Variants in ABCG2 observed in about 807,000 individuals in gnomAD.
ABCG2 encodes broad substrate specificity ATP-binding cassette transporter ABCG2.
ABCG2 carries 80 observed loss-of-function variants against 73.5 expected under a neutral mutation model. The ratio of observed to expected loss-of-function variants is 1.09; its 90% CI spans 0.91 to 1.31. The LOEUF (loss-of-function observed/expected upper bound fraction) is 1.31. Ranked by LOEUF, ABCG2 falls within the 50% of genes most tolerant of loss-of-function variation. The pLI is 0.00. For synonymous variants in ABCG2, 269 were observed against 282.4 expected (o/e 0.95, Z 0.48); for missense variants, 796 against 786.2 (o/e 1.01, Z -0.15).
intron 5 of ABCG2, among the ~76,000 whole-genome samples, chr4:88,130,585 T>C (rs751180301): frequency 6.6e-6 from 1 of 152,086 alleles, no homozygotes; most frequent in African/African-American, 2.4e-5. Flanking sequence ...ATAAAACTGG[T>C]CCCTGGTGGC....
intron 1 of ABCG2, among the ~76,000 whole-genome samples, chr4:88,206,983 C>A (rs555342180): frequency 2.0e-5 from 3 of 152,140 alleles, no homozygotes; most frequent in Non-Finnish European, 4.4e-5. Context: ...TCAGTAGAGA[C>A]GGGGTTTCAC....
intron 2 of ABCG2, among the ~76,000 whole-genome samples, chr4:88,135,044 A>G (rs1725148771): frequency 6.6e-6 from 1 of 152,156 alleles, no homozygotes; most frequent in Admixed American, 6.6e-5. Flanking sequence ...GGCTGCTTTC[A>G]TGCTACACCA....
chr4:88,118,176 T>A lies in ABCG2; in HGVS notation c.774A>T (p.Leu258Phe), dbSNP rs772243208. 6.2e-7 allele frequency: 1 copy of A among 1,614,102 alleles called. No individual in the cohort carries two copies. Among genetic ancestry groups the A allele is most frequent in the South Asian group, 1.1e-5 (1 of 91,074 alleles). Residue 258 changes from leucine (L) to phenylalanine (F), a missense_variant, in exon 7 of 16, where the codon TTA becomes TTT. By Grantham distance (22) the Leu-to-Phe change is conservative. Coordinates refer to ENST00000237612, the MANE Select transcript of ABCG2 (RefSeq NM_004827.3). Reference protein sequence around the residue: ...SIFKLFDSLTLLASGRLMFHG... With the variant: ...SIFKLFDSLTFLASGRLMFHG... Reference sequence around the variant, plus strand: ...GGAACATAAGTCTTCCTGAGGCCAATAAGGTGAGGCTATCAAACAACTTGA... The same window carrying A: ...GGAACATAAGTCTTCCTGAGGCCAAAAAGGTGAGGCTATCAAACAACTTGA...
At chr4:88,204,063 T>C (rs1354905112) in intron 1 of ABCG2, among the ~76,000 whole-genome samples, 1 of 152,216 alleles carries the variant, frequency 6.6e-6, no homozygotes, top group Non-Finnish European at 1.5e-5. Flanking sequence ...TTCTCTAGTT[T>C]TCTTTTCTTC....
intron 5 of ABCG2, among the ~76,000 whole-genome samples, chr4:88,126,192 TCCTGTACACACACA>T (rs1382395102): frequency 2.6e-5 from 4 of 152,122 alleles, no homozygotes; most frequent in Non-Finnish European, 5.9e-5. Flanking sequence ...AAATGGATTT[TCCTGTACACACACA>T]CCCTCCCAAG....
intron 10 of ABCG2, among the ~76,000 whole-genome samples, chr4:88,102,115 CCA>C (rs1478687422): frequency 6.6e-6 from 1 of 152,198 alleles, no homozygotes; most frequent in Non-Finnish European, 1.5e-5. Context: ...TCTACATGCA[CCA>C]CACTACCATC....
At chr4:88,200,543 T>A (rs917054327) in intron 1 of ABCG2, among the ~76,000 whole-genome samples, 1 of 151,998 alleles carries the variant, frequency 6.6e-6, no homozygotes, top group African/African-American at 2.4e-5. Context: ...GAAATCTACA[T>A]AAAGAAAGGA....
At chr4:88,137,959 A>T (rs1388363743) in intron 2 of ABCG2, among the ~76,000 whole-genome samples, 2 of 152,130 alleles carry the variant, frequency 1.3e-5, no homozygotes, top group Non-Finnish European at 2.9e-5. Flanking sequence ...GTTCAAGGCC[A>T]GCCTGGGCAA....
intron 1 of ABCG2, among the ~76,000 whole-genome samples, chr4:88,164,438 G>A (rs1727434455): frequency 6.6e-6 from 1 of 152,108 alleles, no homozygotes; most frequent in Non-Finnish European, 1.5e-5. Context: ...GAATCACAGG[G>A]GTAATTATTC....
rs577956817 is a variant in ABCG2, at chr4:88,152,865, G to A, written c.-20+5521C>T. On this transcript the variant is annotated intron_variant, in intron 1 of 15. Coordinates refer to ENST00000237612, the MANE Select transcript of ABCG2 (RefSeq NM_004827.3). ...GGCTGCTTCAAGTGGGATTAGGGGC[G>A]GCGTGGGAACCTAAAGTGGGAGAGA... is the stretch of plus-strand genomic sequence containing the variant. 2.0e-4 allele frequency among the ~76,000 whole-genome samples: 31 copies of A among 152,226 alleles called. No individual in the cohort carries two copies. In the East Asian group the frequency reaches 3.9e-3, roughly 19 times the overall value.
chr4:88,158,724 ACCCGGCGCG>A, upstream of ABCG2: 1 of 426,038 alleles, frequency 2.3e-6, no homozygotes, highest in Non-Finnish European at 4.7e-6. Flanking sequence ...CCCCAACCAC[ACCCGGCGCG>A]CCCGAGCGCT....
chr4:88,170,366 G>A (rs1346332154), intron 1 of ABCG2, among the ~76,000 whole-genome samples: 3 of 152,118 alleles, frequency 2.0e-5, no homozygotes, highest in Non-Finnish European at 4.4e-5. Context: ...TTCTTTAGAA[G>A]CTTCAGGGGC....
At chr4:88,151,582 CA>C (rs1330685980) in intron 1 of ABCG2, among the ~76,000 whole-genome samples, 1 of 151,802 alleles carries the variant, frequency 6.6e-6, no homozygotes, top group Non-Finnish European at 1.5e-5. Context: ...ACTAAAAATA[CA>C]AAAAAGTAGC....
chr4:88,108,858 TA>T (rs1316751148), intron 9 of ABCG2, among the ~76,000 whole-genome samples: 2 of 152,188 alleles, frequency 1.3e-5, no homozygotes, highest in Non-Finnish European at 2.9e-5. Flanking sequence ...TATGCTGGCA[TA>T]TTTTCATTAC....
intron 5 of ABCG2, among the ~76,000 whole-genome samples, chr4:88,127,959 G>GAAAAAAAAAAAAAA (rs201520311): frequency 7.5e-6 from 1 of 132,884 alleles, no homozygotes; most frequent in Non-Finnish European, 1.6e-5. Flanking sequence ...AAAAAAGAAA[G>GAAAAAAAAAAAAAA]AAAAAAAAAA....
At chr4:88,137,102 G>C (rs1357633861) in intron 2 of ABCG2, among the ~76,000 whole-genome samples, 1 of 151,480 alleles carries the variant, frequency 6.6e-6, no homozygotes, top group Non-Finnish European at 1.5e-5. Flanking sequence ...GACGGAGAGA[G>C]GGAAGAACCC....
chr4:88,206,748 C>T (rs1729395617), intron 1 of ABCG2, among the ~76,000 whole-genome samples: 1 of 152,208 alleles, frequency 6.6e-6, no homozygotes, highest in Non-Finnish European at 1.5e-5. Flanking sequence ...CACTCTAGCC[C>T]ACAGTGGTCT....
At chr4:88,100,399 A>C (rs1038009467) in intron 11 of ABCG2, among the ~76,000 whole-genome samples, 1 of 151,246 alleles carries the variant, frequency 6.6e-6, no homozygotes, top group Non-Finnish European at 1.5e-5. Flanking sequence ...GCTACTTGGG[A>C]GGCTGAGGGA....
intron 1 of ABCG2, among the ~76,000 whole-genome samples, chr4:88,166,871 C>T (rs1181670899): frequency 1.3e-5 from 2 of 152,000 alleles, no homozygotes; most frequent in African/African-American, 2.4e-5. Flanking sequence ...AAAGTTGAAA[C>T]AGGAGGATCA....
Sources: gnomAD v4.1 joint callset for allele counts (sites outside exome capture counted in the v4.1 genomes callset) on GRCh38, gnomAD v4.1.1 for gene constraint, MANE v1.5 for transcripts, NCBI Gene and HGNC (gene_info 2026-07-23, HGNC 2026-07-21) for gene names.